The following SRFBP1 variants were observed in gnomAD, a reference collection of about 807,000 sequenced individuals.
SRFBP1 encodes serum response factor-binding protein 1.
Under a neutral mutation model 45.5 loss-of-function variants are expected in SRFBP1, and 47 were observed. The observed-to-expected ratio is 1.03, with a 90% confidence interval of 0.82 to 1.32. The LOEUF (loss-of-function observed/expected upper bound fraction) is 1.32. Ranked by LOEUF, SRFBP1 falls within the 40% of genes most tolerant of loss-of-function variation. The pLI, the probability that SRFBP1 is intolerant of heterozygous loss-of-function variation, is 0.00. For missense variants in SRFBP1, 621 were observed against 484.6 expected, an observed-to-expected ratio of 1.28 and a Z score of -2.64; for synonymous variants, 203 against 166.3, an observed-to-expected ratio of 1.22 and a Z score of -1.70.
At chr5:122,033,270 C>T (rs1339846109), downstream of SRFBP1, among the ~76,000 whole-genome samples, 2 of 151,542 alleles carry the variant, frequency 1.3e-5, no homozygotes, top group Non-Finnish European at 1.5e-5. Flanking sequence ...TTCCGTTTGT[C>T]AATTGTCTTG....
At chr5:122,077,468 T>C (rs1316354246), downstream of SRFBP1, 1 of 1,613,760 alleles carries the variant, frequency 6.2e-7, no homozygotes, top group African/African-American at 1.3e-5. This position sits in a 1 kb window ranked among gnomAD's most constrained non-coding sequence, Gnocchi z 4.9. Context: ...CTTGTAGGGG[T>C]TGTAAGGGTC....
chr5:122,029,478 A>G (rs944902900), downstream of SRFBP1, among the ~76,000 whole-genome samples: 2 of 152,170 alleles, frequency 1.3e-5, no homozygotes, highest in South Asian at 4.1e-4. Flanking sequence ...ATCTTCCACT[A>G]AAGACTTGAA....
At chr5:122,029,312 C>T (rs1017833456), downstream of SRFBP1, among the ~76,000 whole-genome samples, 1 of 152,168 alleles carries the variant, frequency 6.6e-6, no homozygotes, top group Non-Finnish European at 1.5e-5. Flanking sequence ...AGGAACTCTA[C>T]CTGATACTGT....
At chr5:121,991,878 A>G (rs1752627801) in intron 3 of SRFBP1, among the ~76,000 whole-genome samples, 1 of 152,138 alleles carries the variant, frequency 6.6e-6, no homozygotes, top group Admixed American at 6.6e-5. Context: ...TTGGTCCAAA[A>G]TACCGAAGTA....
Position 121,974,904 on chromosome 5 carries a change from G to A in SRFBP1, c.126-411G>A, listed in dbSNP as rs539900610. Among the ~76,000 whole-genome samples the A allele has an allele frequency of 2.1e-4, 32 of 151,678 alleles. No homozygotes were observed. In the South Asian group the frequency reaches 4.2e-3, roughly 20 times the overall value. On this transcript the variant is annotated intron_variant, in intron 2 of 7. Transcript: ENST00000339397. Reference sequence around the variant, plus strand: ...TCTTTCATAAATATGTCAGAATATAGCCCTTCTTTATTTTTTCCTTAAATG... The same window carrying A: ...TCTTTCATAAATATGTCAGAATATAACCCTTCTTTATTTTTTCCTTAAATG...
At chr5:122,001,241 T>C (rs1333736098) in intron 4 of SRFBP1, among the ~76,000 whole-genome samples, 1 of 151,624 alleles carries the variant, frequency 6.6e-6, no homozygotes, top group Admixed American at 6.6e-5. Context: ...AATAAAAGTT[T>C]GTGTAATGTT....
chr5:122,019,253 T>A lies in SRFBP1; in HGVS notation c.271-7T>A. ...CCCATACGTTTATTATATTTTTAAATTTGCAGCCAGATTCTACTGCAACTG... is the reference window on the plus strand; with the variant it reads ...CCCATACGTTTATTATATTTTTAAAATTGCAGCCAGATTCTACTGCAACTG... On this transcript the variant is annotated splice_polypyrimidine_tract_variant and splice_region_variant and intron_variant, in intron 4 of 7. Coordinates refer to ENST00000339397, the MANE Select transcript of SRFBP1 (RefSeq NM_152546.3). 6.2e-7 allele frequency: 1 copy of A among 1,609,680 alleles called. No homozygotes were observed. Among genetic ancestry groups the A allele is most frequent in the South Asian group, 1.1e-5 (1 of 90,630 alleles).
At position 122,057,003 on chromosome 5, in the gene SRFBP1, A is replaced by G. The variant is rs549458997; in HGVS notation, n.312-18312A>G. ...GTTAGGGTGCTTGAAATTTAGTTAC[A>G]GGAAATTGAGAAACCAAATTTAAAA... On this transcript the variant is annotated intron_variant and non_coding_transcript_variant, in intron 2 of 2. Transcript: ENST00000504881. Among the ~76,000 whole-genome samples, 5 of 152,336 alleles carry G rather than the reference A, an allele frequency of 3.3e-5. No individual in the cohort carries two copies. In the South Asian group the frequency reaches 1.0e-3, roughly 32 times the overall value.
At chr5:122,049,455 TAGAC>T in intron 2 of SRFBP1, among the ~76,000 whole-genome samples, 1 of 152,184 alleles carries the variant, frequency 6.6e-6, no homozygotes, top group Non-Finnish European at 1.5e-5. Flanking sequence ...CTGTCAACAT[TAGAC>T]AGATCAACGA....
At chr5:121,962,704 T>C (rs1751975854) in intron 1 of SRFBP1, among the ~76,000 whole-genome samples, 1 of 152,210 alleles carries the variant, frequency 6.6e-6, no homozygotes, top group Admixed American at 6.5e-5. Context: ...TAGTGTGCGG[T>C]GTCGACAAAA....
intron 2 of SRFBP1, among the ~76,000 whole-genome samples, chr5:122,034,842 A>G (rs766987906): frequency 9.9e-5 from 15 of 150,916 alleles, no homozygotes; most frequent in Non-Finnish European, 1.5e-4. Context: ...TGTATTTTTG[A>G]TACTTAAAAG....
At chr5:122,042,009 T>C (rs1208965650) in intron 2 of SRFBP1, among the ~76,000 whole-genome samples, 1 of 152,206 alleles carries the variant, frequency 6.6e-6, no homozygotes, top group Non-Finnish European at 1.5e-5. Flanking sequence ...AGAATAGACA[T>C]TGAGCTTTAT....
At chr5:122,032,349 G>A (rs1209929713), downstream of SRFBP1, among the ~76,000 whole-genome samples, 1 of 151,726 alleles carries the variant, frequency 6.6e-6, no homozygotes, top group Non-Finnish European at 1.5e-5. Context: ...TCGGAGGAGT[G>A]GCAACTCTCC....
chr5:122,065,802 T>C (rs962634433), intron 2 of SRFBP1: 4 of 152,094 alleles, frequency 2.6e-5, no homozygotes, highest in African/African-American at 9.7e-5. Context: ...GGGGGACTTG[T>C]TTGTGTGATT....
At chr5:122,077,424 C>G, downstream of SRFBP1, 1 of 1,614,076 alleles carries the variant, frequency 6.2e-7, no homozygotes, top group Non-Finnish European at 8.5e-7. This position sits in a 1 kb window ranked among gnomAD's most constrained non-coding sequence, Gnocchi z 4.9. Flanking sequence ...TCATAAGTAT[C>G]GTAGTAGTTG....
intron 2 of SRFBP1, among the ~76,000 whole-genome samples, chr5:122,049,111 C>A (rs1753921527): frequency 6.6e-6 from 1 of 151,924 alleles, no homozygotes; most frequent in Admixed American, 6.6e-5. Flanking sequence ...TTTGCTCTTG[C>A]TTCTCTAGTT....
At chr5:122,000,841 A>C (rs1752850841) in intron 4 of SRFBP1, among the ~76,000 whole-genome samples, 1 of 152,112 alleles carries the variant, frequency 6.6e-6, no homozygotes, top group African/African-American at 2.4e-5. Context: ...AGAAACCAGA[A>C]ATCTAAATTT....
chr5:122,031,354 G>A (rs1204181915), downstream of SRFBP1, among the ~76,000 whole-genome samples: 1 of 152,086 alleles, frequency 6.6e-6, no homozygotes, highest in Non-Finnish European at 1.5e-5. Context: ...TATGAGACAT[G>A]CACAAAAACA....
At chr5:122,038,228 T>C (rs893620319) in intron 2 of SRFBP1, among the ~76,000 whole-genome samples, 11 of 152,092 alleles carry the variant, frequency 7.2e-5, no homozygotes, top group African/African-American at 2.7e-4. Context: ...ATACAGAAAT[T>C]GGTGCTAGAA....
Sources: allele counts gnomAD v4.1 joint callset (sites outside exome capture counted in the v4.1 genomes callset), GRCh38; gene constraint gnomAD v4.1.1; non-coding constraint Gnocchi (gnomAD v3.1); transcripts MANE v1.5; gene names NCBI Gene and HGNC (gene_info 2026-07-23, HGNC 2026-07-21).